ESRRG: variants seen among roughly 807,000 people sequenced by gnomAD.
ESRRG encodes estrogen related receptor gamma, also known as estrogen-related receptor gamma.
In ESRRG, 13 loss-of-function variants were observed where a neutral mutation model predicts 44.0. That is an observed-to-expected ratio of 0.30 (90% confidence interval 0.19 to 0.47). ESRRG has a LOEUF of 0.47. Ranked by LOEUF, ESRRG falls within the 20% of genes least tolerant of loss-of-function variation. The probability of loss-of-function intolerance (pLI) is 1.00; values close to 1 mark genes in which losing one functional copy is unlikely to be tolerated. For missense variants in ESRRG, 395 were observed against 580.6 expected, an observed-to-expected ratio of 0.68 and a Z score of 3.29; for synonymous variants, 215 against 214.6, an observed-to-expected ratio of 1.00 and a Z score of -0.02.
At chr1:216,855,025 A>C (rs546741073) in intron 2 of ESRRG, 1 of 152,336 alleles carries the variant, frequency 6.6e-6, no homozygotes, top group East Asian at 1.9e-4. Context: ...GTGGACCAAC[A>C]GAAAGCTCCT....
rs1432512688 is a variant in ESRRG, at chr1:216,693,624, G to A, written c.57-16133C>T. ...GATTATTCGTAATACCTAATACAAC[G>A]TAAATGCTACGTAAATAGTTGTTAT... On this transcript the variant is annotated intron_variant, in intron 1 of 6. Transcript: ENST00000408911. Among the ~76,000 whole-genome samples the A allele has an allele frequency of 2.0e-5, 3 of 152,234 alleles. No individual in the cohort carries two copies. The East Asian group carries it at 5.8e-4, about 29-fold the overall frequency.
chr1:216,996,268 T>A (rs1488447824), intron 1 of ESRRG, among the ~76,000 whole-genome samples: 2 of 151,950 alleles, frequency 1.3e-5, no homozygotes, highest in African/African-American at 4.8e-5. Context: ...TAAGATGATA[T>A]GTTACATTTT....
chr1:216,614,744 T>C (rs545235929), intron 3 of ESRRG, among the ~76,000 whole-genome samples: 2 of 152,346 alleles, frequency 1.3e-5, no homozygotes, highest in South Asian at 4.1e-4. Flanking sequence ...CAATGTCTCT[T>C]GGCTAAATCC....
chr1:216,777,424 TC>T (rs2093656647), intron 2 of ESRRG, among the ~76,000 whole-genome samples: 3 of 152,164 alleles, frequency 2.0e-5, no homozygotes, highest in Admixed American at 2.0e-4. Flanking sequence ...ATTTATGATC[TC>T]ATATCACACT....
chr1:216,795,525 G>C lies in ESRRG; in HGVS notation c.-13-118034C>G, dbSNP rs533383256. On this transcript the variant is annotated intron_variant, in intron 2 of 7. Transcript: ENST00000359162. ...CTGGCTAATTTTTGTATTTTTAGTA[G>C]AGACATGGTTTCACCATGTTAGCCA... Among the ~76,000 whole-genome samples the C allele has an allele frequency of 1.5e-4, 22 of 151,518 alleles. No individual in the cohort carries two copies. The East Asian group carries it at 4.3e-3, about 30-fold the overall frequency.
chr1:216,992,388 T>C (rs1343664091), intron 1 of ESRRG, among the ~76,000 whole-genome samples: 2 of 152,242 alleles, frequency 1.3e-5, no homozygotes, highest in African/African-American at 4.8e-5. Flanking sequence ...CTCCTGCAAG[T>C]TCTATTAAAA....
intron 2 of ESRRG, among the ~76,000 whole-genome samples, chr1:216,817,401 T>C (rs1280647755): frequency 6.6e-6 from 1 of 152,178 alleles, no homozygotes; most frequent in Non-Finnish European, 1.5e-5. Flanking sequence ...GTAGAAAAGA[T>C]TAAGAGGCAA....
intron 1 of ESRRG, among the ~76,000 whole-genome samples, chr1:216,691,777 C>T (rs914911536): frequency 1.3e-5 from 2 of 152,184 alleles, no homozygotes; most frequent in Non-Finnish European, 2.9e-5. Context: ...TGGCCTTACT[C>T]TTCAACCTCA....
intron 3 of ESRRG, among the ~76,000 whole-genome samples, chr1:216,646,755 AT>A (rs533477424): frequency 1.5e-3 from 230 of 152,260 alleles, no homozygotes; most frequent in African/African-American, 5.5e-3. Context: ...GTTAAGTAGC[AT>A]TTTTTTAAGG....
chr1:216,732,671 G>T (rs1201158375), intron 2 of ESRRG, among the ~76,000 whole-genome samples: 1 of 151,876 alleles, frequency 6.6e-6, no homozygotes, highest in Non-Finnish European at 1.5e-5. Context: ...GGGCATGGTG[G>T]CGTGCACATG....
At chr1:216,941,857 T>G (rs930746441) in intron 1 of ESRRG, among the ~76,000 whole-genome samples, 1 of 152,144 alleles carries the variant, frequency 6.6e-6, no homozygotes, top group Non-Finnish European at 1.5e-5. Context: ...ATTTATCTCA[T>G]TTTTTCCCTT....
intron 2 of ESRRG, among the ~76,000 whole-genome samples, chr1:216,938,823 G>C (rs975072528): frequency 3.9e-5 from 6 of 152,142 alleles, no homozygotes; most frequent in African/African-American, 1.4e-4. Flanking sequence ...ACCCATGTGA[G>C]GGTATGATGA....
intron 2 of ESRRG, among the ~76,000 whole-genome samples, chr1:216,800,267 A>G (rs1366638517): frequency 1.3e-5 from 2 of 152,156 alleles, no homozygotes; most frequent in Admixed American, 1.3e-4. Context: ...CCAGAACAAC[A>G]AAAGGAATGA....
At chr1:216,883,475 A>C (rs2096478126) in intron 2 of ESRRG, among the ~76,000 whole-genome samples, 1 of 151,352 alleles carries the variant, frequency 6.6e-6, no homozygotes, top group Non-Finnish European at 1.5e-5. Context: ...TTGAATATAC[A>C]GGTTACAGAA....
At chr1:216,883,498 C>T (rs1367029889) in intron 2 of ESRRG, among the ~76,000 whole-genome samples, 1 of 150,946 alleles carries the variant, frequency 6.6e-6, no homozygotes, top group Non-Finnish European at 1.5e-5. Flanking sequence ...GAGACAGTAG[C>T]GAATGGAATC....
At chr1:216,541,736 A>T (rs756217877) in intron 5 of ESRRG, among the ~76,000 whole-genome samples, 1 of 151,746 alleles carries the variant, frequency 6.6e-6, no homozygotes, top group South Asian at 2.1e-4. Context: ...AATTTTTTTA[A>T]CTTCTATTTT....
intron 5 of ESRRG, among the ~76,000 whole-genome samples, chr1:216,545,264 T>A (rs901243089): frequency 1.3e-5 from 2 of 151,526 alleles, no homozygotes; most frequent in Non-Finnish European, 1.5e-5. Context: ...GATCTCACTA[T>A]GTTGTCCAGG....
intron 1 of ESRRG, among the ~76,000 whole-genome samples, chr1:216,711,065 CTT>C (rs1053165467): frequency 2.0e-5 from 3 of 152,168 alleles, no homozygotes; most frequent in Non-Finnish European, 4.4e-5. Context: ...TTAAGAAGCA[CTT>C]TGTGCTGACA....
At chr1:217,122,907 A>T (rs1322374833) in intron 1 of ESRRG, among the ~76,000 whole-genome samples, 4 of 150,980 alleles carry the variant, frequency 2.6e-5, no homozygotes, top group Admixed American at 2.0e-4. Flanking sequence ...CTGGTCTCGA[A>T]CTCCCGACCT....
Sources: gnomAD v4.1 joint callset for allele counts (sites outside exome capture counted in the v4.1 genomes callset) on GRCh38, gnomAD v4.1.1 for gene constraint, MANE v1.5 for transcripts, NCBI Gene and HGNC (gene_info 2026-07-23, HGNC 2026-07-21) for gene names.